Variants in PCSK1 observed in about 807,000 individuals in gnomAD.
PCSK1 encodes neuroendocrine convertase 1.
PCSK1 carries 56 observed loss-of-function variants against 90.6 expected under a neutral mutation model. The ratio of observed to expected loss-of-function variants is 0.62; its 90% confidence interval spans 0.50 to 0.77. The LOEUF is 0.77. Among genes scored for constraint, PCSK1 ranks in the 30% least tolerant of loss-of-function variants. The pLI is 0.00. For missense variants in PCSK1, 801 were observed against 932.6 expected (o/e 0.86, Z 1.84); for synonymous variants, 348 against 342.4 (o/e 1.02, Z -0.18).
In PCSK1 at chr5:96,421,873, T is replaced by A; in HGVS notation, c.620+7A>T. 2.1e-6 allele frequency: 3 copies of A among 1,428,772 alleles called. No homozygotes were observed. Among genetic ancestry groups the A allele is most frequent in the Non-Finnish European group, 3.0e-6 (3 of 1,011,686 alleles). The allele number at this position is 1,428,772 out of a possible 1,614,324, so 88.5% of individuals were successfully genotyped here. ...ACTTTATTTCACACAAATGCATATT[T>A]ACTCACTTGTTCTCGTTTGTGGGAT... is the stretch of plus-strand genomic sequence containing the variant. On this transcript the variant is annotated splice_region_variant and intron_variant, in intron 5 of 13. Coordinates refer to ENST00000311106, the MANE Select transcript of PCSK1 (RefSeq NM_000439.5).
At chr5:96,401,187 G>A (rs1176325673) in intron 9 of PCSK1, among the ~76,000 whole-genome samples, 4 of 151,112 alleles carry the variant, frequency 2.6e-5, no homozygotes, top group Admixed American at 6.6e-5. Flanking sequence ...ATAGCTTAAC[G>A]CATTGTGGGA....
At chr5:96,412,262 C>T (rs200485410) in intron 7 of PCSK1, 56 bp downstream of exon 7, 1 of 735,542 alleles carries the variant, frequency 1.4e-6, no homozygotes, top group Non-Finnish European at 2.0e-6. Context: ...CTTTCCTTCT[C>T]CTCATATCCA....
chr5:96,398,851 T>C, intron 11 of PCSK1, 28 bp downstream of exon 11: 2 of 1,583,730 alleles, frequency 1.3e-6, no homozygotes, highest in Non-Finnish European at 1.7e-6. Context: ...CTTAAAAATA[T>C]AAATGGCTTA....
chr5:96,400,672 T>C lies in PCSK1; in HGVS notation c.1197-486A>G, dbSNP rs1760325670. 2.6e-5 allele frequency among the ~76,000 whole-genome samples: 4 copies of C among 152,254 alleles called. No individual in the cohort carries two copies. The South Asian group carries it at 8.3e-4, about 31-fold the overall frequency. Reference sequence around the variant, plus strand: ...AGACTGGCTACCTGCTGTAAACATGTATTGCCTTTTTCTTTATCTATCAAA... The same window carrying C: ...AGACTGGCTACCTGCTGTAAACATGCATTGCCTTTTTCTTTATCTATCAAA... On this transcript the variant is annotated intron_variant, in intron 9 of 13. Transcript: ENST00000311106.
At chr5:96,420,835 G>T (rs1156510057) in intron 5 of PCSK1, among the ~76,000 whole-genome samples, 2 of 151,938 alleles carry the variant, frequency 1.3e-5, no homozygotes, top group Non-Finnish European at 2.9e-5. Context: ...TCTGACCCAA[G>T]TTGGGTAACA....
rs985028680 is a variant in PCSK1, at chr5:96,433,193, G to A, written c.-151C>T. On this transcript the variant is annotated 5_prime_UTR_variant, in exon 1 of 14. Transcript: ENST00000311106. ...CTGCGAAGAGCTAGGAGGCGCGAGA[G>A]GAGAGGCTGGGCGGCGGCGAGCGCT... 12 of 746,292 alleles carry A rather than the reference G, an allele frequency of 1.6e-5. No homozygotes were observed. Among genetic ancestry groups the A allele is most frequent in the Non-Finnish European group, 2.8e-5 (12 of 430,476 alleles). The allele number at this position is 746,292 out of a possible 1,614,324, so 46.2% of individuals were successfully genotyped here.
At chr5:96,412,752 G>GTGTT (rs1760801760) in intron 6 of PCSK1, among the ~76,000 whole-genome samples, 1 of 71,832 alleles carries the variant, frequency 1.4e-5, no homozygotes, top group Admixed American at 1.7e-4. Flanking sequence ...CAGCTGTGAT[G>GTGTT]TTTTTTTTTT....
At chr5:96,414,706 G>T (rs1463485849) in intron 6 of PCSK1, among the ~76,000 whole-genome samples, 1 of 152,170 alleles carries the variant, frequency 6.6e-6, no homozygotes, top group East Asian at 1.9e-4. Context: ...TCTACAAAAT[G>T]AAGGGATCAG....
chr5:96,404,524 T>C (rs1277619380), intron 9 of PCSK1, among the ~76,000 whole-genome samples: 2 of 152,222 alleles, frequency 1.3e-5, no homozygotes, highest in Non-Finnish European at 2.9e-5. Flanking sequence ...TCCCCAATAC[T>C]CTGGCTATAT....
chr5:96,425,022 AAG>A (rs1305057583), intron 3 of PCSK1, among the ~76,000 whole-genome samples: 10 of 73,950 alleles, frequency 1.4e-4, no homozygotes, highest in African/African-American at 5.2e-4. Flanking sequence ...GAAAGAAAGA[AAG>A]AAAGAAAGAA....
At chr5:96,414,467 C>T (rs1211023456) in intron 6 of PCSK1, among the ~76,000 whole-genome samples, 5 of 152,126 alleles carry the variant, frequency 3.3e-5, no homozygotes, top group Non-Finnish European at 7.4e-5. Flanking sequence ...ACAAATCTAG[C>T]CCCTAAATCT....
At chr5:96,398,840 A>AATATATATATGG (rs766480522) in intron 11 of PCSK1, 39 bp downstream of exon 11, 2 of 1,517,514 alleles carry the variant, frequency 1.3e-6, no homozygotes, top group East Asian at 4.5e-5. Flanking sequence ...TTCAACTTAC[A>AATATATATATGG]CTTAAAAATA....
rs187489638 is a variant in PCSK1, at chr5:96,402,805, T to G, written c.1197-2619A>C. Among the ~76,000 whole-genome samples, 7 of 152,222 alleles carry G rather than the reference T, an allele frequency of 4.6e-5. No homozygotes were observed. The East Asian group carries it at 1.4e-3, about 29-fold the overall frequency. ...CTGAGCTCCCGACAAACATACCACT[T>G]TACCCTGGAGAGTGACTGACAGAGA... On this transcript the variant is annotated intron_variant, in intron 9 of 13. Coordinates refer to ENST00000311106, the MANE Select transcript of PCSK1 (RefSeq NM_000439.5).
intron 9 of PCSK1, among the ~76,000 whole-genome samples, chr5:96,406,055 C>A (rs963898138): frequency 6.6e-6 from 1 of 152,166 alleles, no homozygotes; most frequent in Non-Finnish European, 1.5e-5. Context: ...CCAGTCCAGA[C>A]CCCTCATCAC....
rs141311467 is a variant in PCSK1, at chr5:96,425,877, T to C, written c.339A>G (p.Leu113=). The part of the protein sequence containing the change: ...YEKERSKRSA[L]RDSALNLFND... ...TGAAGAGATTTAGTGCTGAGTCCCT[T>C]AGAGCTGAACGTTTACTTCTTTCTT... is the stretch of plus-strand genomic sequence containing the variant. Residue 113 remains leucine, a synonymous_variant, in exon 3 of 14, where the codon CTA becomes CTG. Transcript: ENST00000311106. The C allele has an allele frequency of 3.1e-6, 5 of 1,612,916 alleles. No individual in the cohort carries two copies. The African/African-American group carries it at 6.7e-5, about 22-fold the overall frequency.
chr5:96,400,921 A>T (rs1458030173), intron 9 of PCSK1, among the ~76,000 whole-genome samples: 4 of 151,370 alleles, frequency 2.6e-5, no homozygotes, highest in African/African-American at 4.9e-5. Context: ...CCCCGTCTCT[A>T]CTAAAAATAC....
At chr5:96,409,684 C>T (rs1760688950) in intron 8 of PCSK1, among the ~76,000 whole-genome samples, 1 of 152,202 alleles carries the variant, frequency 6.6e-6, no homozygotes, top group Non-Finnish European at 1.5e-5. Flanking sequence ...ATGACAACAG[C>T]CAGGGGCTCT....
rs1456842466 is a variant in PCSK1, at chr5:96,394,941, G to A, written c.1807C>T (p.Gln603Ter). ...GTSSQPEHMK[Q>*]PRVYTSYNTV... ...TTGTAGGACGTGTACACACGAGGCT[G>A]CTTCATATGCTCTGGCTGAGAAGAG... Residue 603 changes from glutamine (Q) to a stop codon, truncating the protein, a stop_gained, in exon 13 of 14, where the codon CAG (glutamine) becomes TAG (stop). Transcript: ENST00000311106. LOFTEE classifies it high-confidence loss of function. 2.5e-6 allele frequency: 4 copies of A among 1,613,824 alleles called. No homozygotes were observed. The highest frequency in any genetic ancestry group is 3.4e-6 in the Non-Finnish European group (4 of 1,179,802).
At chr5:96,416,385 T>C (rs1168420485) in intron 5 of PCSK1, among the ~76,000 whole-genome samples, 2 of 152,242 alleles carry the variant, frequency 1.3e-5, no homozygotes, top group African/African-American at 4.8e-5. Context: ...CTGCAAAGGC[T>C]TGGTCACATG....
Sources: allele counts gnomAD v4.1 joint callset (sites outside exome capture counted in the v4.1 genomes callset), GRCh38; gene constraint gnomAD v4.1.1; transcripts MANE v1.5; gene names NCBI Gene and HGNC (gene_info 2026-07-23, HGNC 2026-07-21).